The following NKAIN2 variants were observed in gnomAD, a reference collection of about 807,000 sequenced individuals.
The protein encoded by NKAIN2 is sodium/potassium transporting ATPase interacting 2.
Under a neutral mutation model 32.6 loss-of-function variants are expected in NKAIN2, and 14 were observed. That is an observed-to-expected ratio of 0.43 (90% CI 0.28 to 0.67). The LOEUF (loss-of-function observed/expected upper bound fraction) is 0.67, where lower values mean the gene tolerates loss of function less well. Ranked by LOEUF, NKAIN2 falls within the 30% of genes least tolerant of loss-of-function variation. The probability of loss-of-function intolerance (pLI) is 0.17; values close to 1 mark genes in which losing one functional copy is unlikely to be tolerated. For missense variants in NKAIN2, 198 were observed against 258.3 expected, an observed-to-expected ratio of 0.77 and a Z score of 1.60; for synonymous variants, 80 against 87.2, an observed-to-expected ratio of 0.92 and a Z score of 0.46.
At chr6:124,645,769 A>G (rs1347590290) in intron 3 of NKAIN2, among the ~76,000 whole-genome samples, 1 of 152,196 alleles carries the variant, frequency 6.6e-6, no homozygotes, top group Non-Finnish European at 1.5e-5. Context: ...AATAAACATA[A>G]TAGAAAATCT....
intron 5 of NKAIN2, among the ~76,000 whole-genome samples, chr6:124,792,221 T>C (rs1448627410): frequency 1.3e-5 from 2 of 152,148 alleles, no homozygotes; most frequent in Admixed American, 6.5e-5. Context: ...ATATTTATAA[T>C]GTTGGGTTTT....
chr6:124,582,401 G>T (rs1195784747), intron 3 of NKAIN2, among the ~76,000 whole-genome samples: 1 of 152,094 alleles, frequency 6.6e-6, no homozygotes, highest in Non-Finnish European at 1.5e-5. Context: ...AACCTACCAA[G>T]ATTGAACCAG....
intron 1 of NKAIN2, among the ~76,000 whole-genome samples, chr6:124,260,147 G>C (rs1794169406): frequency 6.6e-6 from 1 of 152,006 alleles, no homozygotes; most frequent in Non-Finnish European, 1.5e-5. Flanking sequence ...GATTCATTTA[G>C]GTCTTCAGCA....
chr6:124,785,313 A>G (rs920891905), intron 4 of NKAIN2, among the ~76,000 whole-genome samples: 1 of 152,120 alleles, frequency 6.6e-6, no homozygotes, highest in Admixed American at 6.5e-5. Flanking sequence ...GCATGTTTGT[A>G]ATTGCTTATT....
chr6:124,280,107 T>A (rs957010322), intron 1 of NKAIN2, among the ~76,000 whole-genome samples: 2 of 152,168 alleles, frequency 1.3e-5, no homozygotes, highest in African/African-American at 4.8e-5. Context: ...AACAGCAGCA[T>A]GTATTTTGCT....
chr6:123,959,581 T>C (rs1489855684), intron 1 of NKAIN2, among the ~76,000 whole-genome samples: 1 of 152,184 alleles, frequency 6.6e-6, no homozygotes, highest in East Asian at 1.9e-4. Context: ...CCTTTTGAAA[T>C]GAAGAAATGG....
At chr6:124,814,336 A>T (rs1781048553) in intron 5 of NKAIN2, among the ~76,000 whole-genome samples, 1 of 152,212 alleles carries the variant, frequency 6.6e-6, no homozygotes. Flanking sequence ...ATGTAGGTAA[A>T]ATAAACTACA....
intron 3 of NKAIN2, among the ~76,000 whole-genome samples, chr6:124,362,679 C>G (rs1434322390): frequency 6.6e-6 from 1 of 151,970 alleles, no homozygotes; most frequent in South Asian, 2.1e-4. Flanking sequence ...GGTGTCAGGT[C>G]AATTCTATTG....
intron 3 of NKAIN2, among the ~76,000 whole-genome samples, chr6:124,536,162 T>G (rs1446709104): frequency 6.6e-6 from 1 of 152,142 alleles, no homozygotes; most frequent in Non-Finnish European, 1.5e-5. Flanking sequence ...AAGAAACACA[T>G]AACAGGAGAA....
intron 3 of NKAIN2, among the ~76,000 whole-genome samples, chr6:124,480,696 A>G (rs1408216994): frequency 6.6e-6 from 1 of 151,952 alleles, no homozygotes; most frequent in Non-Finnish European, 1.5e-5. Context: ...TGCTTTGAAA[A>G]AGTGGCTCTA....
At chr6:124,096,562 C>T (rs1401814417) in intron 1 of NKAIN2, among the ~76,000 whole-genome samples, 1 of 152,192 alleles carries the variant, frequency 6.6e-6, no homozygotes, top group Non-Finnish European at 1.5e-5. Flanking sequence ...TCTCCATGTT[C>T]ATCTTCCCCA....
intron 4 of NKAIN2, among the ~76,000 whole-genome samples, chr6:124,711,025 G>T (rs1775422378): frequency 6.8e-6 from 1 of 147,382 alleles, no homozygotes; most frequent in Non-Finnish European, 1.5e-5. Flanking sequence ...GGGCAGGCCT[G>T]GTGGTGACAA....
chr6:124,375,799 A>G (rs1279252140), intron 3 of NKAIN2, among the ~76,000 whole-genome samples: 1 of 152,084 alleles, frequency 6.6e-6, no homozygotes, highest in African/African-American at 2.4e-5. Context: ...TTTTAAATGA[A>G]GAAACACAGA....
intron 1 of NKAIN2, among the ~76,000 whole-genome samples, chr6:124,115,577 C>A (rs1432853071): frequency 6.6e-6 from 1 of 151,880 alleles, no homozygotes; most frequent in African/African-American, 2.4e-5. Flanking sequence ...GTAGAGATAC[C>A]CCTGCTTGGC....
intron 4 of NKAIN2, among the ~76,000 whole-genome samples, chr6:124,665,308 AACAT>A (rs771686753): frequency 1.3e-4 from 20 of 152,222 alleles, no homozygotes; most frequent in Non-Finnish European, 1.3e-4. Context: ...CATAAAGACA[AACAT>A]ATAGACCAAA....
At chr6:123,861,216 T>C (rs970420497) in intron 1 of NKAIN2, among the ~76,000 whole-genome samples, 2 of 152,184 alleles carry the variant, frequency 1.3e-5, no homozygotes, top group African/African-American at 4.8e-5. Flanking sequence ...TAATAAATCC[T>C]GACCAAAAGA....
chr6:124,476,213 T>G (rs1023311767), intron 3 of NKAIN2, among the ~76,000 whole-genome samples: 8 of 152,116 alleles, frequency 5.3e-5, no homozygotes, highest in Non-Finnish European at 1.2e-4. Flanking sequence ...GGCCAAGAAA[T>G]AAACTGTCTT....
In NKAIN2 at chr6:123,804,180, G is replaced by C. The variant is rs200288010; in HGVS notation, c.-21G>C. On this transcript the variant is annotated 5_prime_UTR_variant, in exon 1 of 7. Coordinates refer to ENST00000368417, the MANE Select transcript of NKAIN2 (RefSeq NM_001040214.3). ...GTGGCCGACGTGGGACAGTCTGGCT[G>C]TGGCAGGGGTCTCGGAAACCATGGG... The C allele has an allele frequency of 2.5e-5, 40 of 1,612,618 alleles. No homozygotes were observed. Among genetic ancestry groups the C allele is most frequent in the Non-Finnish European group, 2.6e-5 (31 of 1,178,678 alleles).
At chr6:124,342,107 A>G (rs1274160303) in intron 2 of NKAIN2, among the ~76,000 whole-genome samples, 1 of 152,182 alleles carries the variant, frequency 6.6e-6, no homozygotes, top group Non-Finnish European at 1.5e-5. Context: ...ATTTATATCT[A>G]TTAAAACACC....
Sources: allele counts gnomAD v4.1 joint callset (sites outside exome capture counted in the v4.1 genomes callset), GRCh38; gene constraint gnomAD v4.1.1; transcripts MANE v1.5; gene names NCBI Gene and HGNC (gene_info 2026-07-23, HGNC 2026-07-21).